The following GCC2 variants were observed in gnomAD, a reference collection of about 807,000 sequenced individuals.
The protein encoded by GCC2 is GRIP and coiled-coil domain-containing protein 2.
Under a neutral mutation model 210.6 loss-of-function variants are expected in GCC2, and 120 were observed. The ratio of observed to expected loss-of-function variants is 0.57; its 90% CI spans 0.49 to 0.66. The LOEUF (loss-of-function observed/expected upper bound fraction) is 0.66, where lower values mean the gene tolerates loss of function less well. Among genes scored for constraint, GCC2 ranks in the 30% least tolerant of loss-of-function variants. The pLI is 0.00. For synonymous variants in GCC2, 703 were observed against 652.7 expected, an observed-to-expected ratio of 1.08 and a Z score of -1.17; for missense variants, 1,868 against 1,871.9, an observed-to-expected ratio of 1.00 and a Z score of 0.04.
chr2:108,506,527 A>T (rs974607404), intron 22 of GCC2, among the ~76,000 whole-genome samples: 10 of 152,326 alleles, frequency 6.6e-5, no homozygotes. Flanking sequence ...GTGGTACGTA[A>T]CTGTGCATTT....
At chr2:108,507,510 C>A (rs1413202119) in intron 22 of GCC2, 50 bp from the exon 23 acceptor site, 2 of 1,363,604 alleles carry the variant, frequency 1.5e-6, no homozygotes, top group East Asian at 2.5e-5. Flanking sequence ...AATTTTAATA[C>A]TCTCTTTTTT....
intron 16 of GCC2, among the ~76,000 whole-genome samples, chr2:108,487,372 C>T (rs537052419): frequency 6.6e-6 from 1 of 152,214 alleles, no homozygotes; most frequent in Non-Finnish European, 1.5e-5. Context: ...AAGTGTAAGG[C>T]CTCCCAACAT....
At chr2:108,449,846 G>T in intron 2 of GCC2, 157 bp downstream of exon 2, 1 of 604,854 alleles carries the variant, frequency 1.7e-6, no homozygotes, top group Non-Finnish European at 2.9e-6. Context: ...CCCATTTCCT[G>T]TTTCTCCCCC....
At chr2:108,488,345 A>G (rs1435292234) in intron 17 of GCC2, among the ~76,000 whole-genome samples, 7 of 152,220 alleles carry the variant, frequency 4.6e-5, no homozygotes. Flanking sequence ...CTCTAAAATT[A>G]GATGTTAAAG....
At position 108,501,386 on chromosome 2, in the gene GCC2, T is replaced by C. The variant is rs546239677; in HGVS notation, c.4984+1632T>C. Among the ~76,000 whole-genome samples the C allele has an allele frequency of 3.3e-5, 5 of 152,218 alleles. No individual in the cohort carries two copies. In the South Asian group the frequency reaches 8.3e-4, roughly 25 times the overall value. On this transcript the variant is annotated intron_variant, in intron 22 of 22. Coordinates refer to ENST00000309863, the MANE Select transcript of GCC2 (RefSeq NM_181453.4). Reference sequence around the variant, plus strand: ...CATTTATGCTATAGCAGTCCTGTATTTGGGTTTTAATCATTACAGGGTAAC... The same window carrying C: ...CATTTATGCTATAGCAGTCCTGTATCTGGGTTTTAATCATTACAGGGTAAC...
Position 108,475,596 on chromosome 2 carries a change from C to A in GCC2, c.2922C>A (p.Ala974=). ...AAATAAATAAGATAAAATTAGTTGCCGTAAAGGCAAAGAAAGAACTAGATT... is the reference window on the plus strand; with the variant it reads ...AAATAAATAAGATAAAATTAGTTGCAGTAAAGGCAAAGAAAGAACTAGATT... ...EEKINKIKLV[A]VKAKKELDSS... is the part of the protein sequence containing the mutation. Residue 974 remains alanine, a synonymous_variant, in exon 8 of 23, where the codon GCC becomes GCA. Transcript: ENST00000309863. The A allele has an allele frequency of 4.6e-6, 7 of 1,533,454 alleles. No individual in the cohort carries two copies. The highest frequency in any genetic ancestry group is 3.8e-5 in the South Asian group (3 of 78,596). The allele number at this position is 1,533,454 out of a possible 1,614,324, so 95.0% of individuals were successfully genotyped here.
chr2:108,469,153 A>T, intron 5 of GCC2, 69 bp downstream of exon 5: 5 of 867,032 alleles, frequency 5.8e-6, no homozygotes, highest in African/African-American at 1.7e-5. Context: ...TTTAGAGGTA[A>T]GACTTTAAAA....
rs1475495914 is a variant in GCC2 at position 108,507,968 on chromosome 2, T to A, written c.*338T>A. ...CTGTGAATTTTGAAGTTAAACTAAA[T>A]TTTGGTACCATACCAACTGGAATTT... is the stretch of plus-strand genomic sequence containing the variant. On this transcript the variant is annotated 3_prime_UTR_variant, in exon 23 of 23. Transcript: ENST00000309863. 1 of 183,778 alleles carries A rather than the reference T, an allele frequency of 5.4e-6. No individual in the cohort carries two copies. The highest frequency in any genetic ancestry group is 1.1e-5 in the Non-Finnish European group (1 of 87,240). 11.4% of individuals were successfully genotyped at this position (183,778 alleles called of 1,614,324 possible).
At chr2:108,451,693 T>C (rs1679953842) in intron 3 of GCC2, among the ~76,000 whole-genome samples, 1 of 152,180 alleles carries the variant, frequency 6.6e-6, no homozygotes, top group African/African-American at 2.4e-5. Context: ...AAGACTTATT[T>C]TCTATTAGAA....
At chr2:108,473,230 A>G (rs1264190146) in intron 7 of GCC2, 5 of 210,340 alleles carry the variant, frequency 2.4e-5, no homozygotes, top group South Asian at 8.9e-5. Flanking sequence ...GGTACAGACC[A>G]TGTGCTCAGA....
At chr2:108,469,622 A>G (rs1401941368) in intron 5 of GCC2, 29 bp from the exon 6 acceptor site, 1 of 1,506,142 alleles carries the variant, frequency 6.6e-7, no homozygotes, top group Non-Finnish European at 8.9e-7. Flanking sequence ...TTACTTAAAT[A>G]ATTTATGTGT....
chr2:108,497,256 A>G (rs1682691361), intron 21 of GCC2, 147 bp downstream of exon 21: 1 of 1,311,814 alleles, frequency 7.6e-7, no homozygotes, highest in Non-Finnish European at 1.1e-6. Context: ...AGCTGGGACT[A>G]CAGGTGCCCG....
intron 9 of GCC2, among the ~76,000 whole-genome samples, 189 bp downstream of exon 9, chr2:108,476,039 TTAAA>T (rs1247583811): frequency 6.6e-6 from 1 of 150,722 alleles, no homozygotes; most frequent in Non-Finnish European, 1.5e-5. Context: ...TGGTTAAGCT[TTAAA>T]TAGTGGCTTG....
At chr2:108,467,728 A>AT (rs545158582) in intron 4 of GCC2, among the ~76,000 whole-genome samples, 88 of 152,178 alleles carry the variant, frequency 5.8e-4, no homozygotes, top group Non-Finnish European at 9.9e-4. Flanking sequence ...TGGGTCTTTG[A>AT]TTTTTCCTTT....
chr2:108,475,678 T>A (rs903177438), intron 8 of GCC2, 43 bp downstream of exon 8: 2 of 1,466,332 alleles, frequency 1.4e-6, no homozygotes, highest in Non-Finnish European at 1.9e-6. Context: ...ATCTCACATT[T>A]TTAAAAATCA....
At chr2:108,491,740 C>G (rs1389375547) in intron 18 of GCC2, among the ~76,000 whole-genome samples, 1 of 151,450 alleles carries the variant, frequency 6.6e-6, no homozygotes, top group Non-Finnish European at 1.5e-5. Context: ...TGAGAGAATT[C>G]TGTGGATCCC....
chr2:108,501,303 C>T (rs1378768662), intron 22 of GCC2, among the ~76,000 whole-genome samples: 1 of 151,926 alleles, frequency 6.6e-6, no homozygotes. Flanking sequence ...GTTTTTTTAT[C>T]TATAACAATT....
At position 108,484,208 on chromosome 2, in the gene GCC2, A is replaced by G. The variant is rs759015773; in HGVS notation, c.3510A>G (p.Lys1170=). 2 of 1,590,384 alleles carry G rather than the reference A, an allele frequency of 1.3e-6. No individual in the cohort carries two copies. Among genetic ancestry groups the G allele is most frequent in the Admixed American group, 1.8e-5 (1 of 55,002 alleles). ...MEIADYERLM[K]ELNQKLTNKN... ...TAGCTGATTATGAACGTTTGATGAAAGAACTAAATCAAAAGTTAACTAATA... is the reference window on the plus strand; with the variant it reads ...TAGCTGATTATGAACGTTTGATGAAGGAACTAAATCAAAAGTTAACTAATA... The change falls in exon 13 of 23, where the codon AAA becomes AAG. Residue 1170 remains lysine (K), a synonymous_variant. Coordinates refer to ENST00000309863, the MANE Select transcript of GCC2 (RefSeq NM_181453.4).
intron 17 of GCC2, 69 bp downstream of exon 17, chr2:108,487,889 A>G: frequency 7.3e-7 from 1 of 1,372,690 alleles, no homozygotes; most frequent in Non-Finnish European, 1.0e-6. Flanking sequence ...TAGATTGAAA[A>G]TCCTATTATG....
Sources: gnomAD v4.1 joint callset for allele counts (sites outside exome capture counted in the v4.1 genomes callset) on GRCh38, gnomAD v4.1.1 for gene constraint, MANE v1.5 for transcripts, NCBI Gene and HGNC (gene_info 2026-07-23, HGNC 2026-07-21) for gene names.